The following RARRES1 variants were observed in gnomAD, a reference collection of about 807,000 sequenced individuals.
RARRES1 encodes retinoic acid receptor responder 1.
Under a neutral mutation model 30.6 loss-of-function variants are expected in RARRES1, and 34 were observed. The ratio of observed to expected loss-of-function variants is 1.11; its 90% CI spans 0.84 to 1.48. The LOEUF is 1.48. Ranked by LOEUF, RARRES1 falls within the 40% of genes most tolerant of loss-of-function variation. The probability of loss-of-function intolerance (pLI) is 0.00; values close to 1 mark genes in which losing one functional copy is unlikely to be tolerated. For missense variants in RARRES1, 373 were observed against 386.5 expected, an observed-to-expected ratio of 0.97 and a Z score of 0.29; for synonymous variants, 153 against 155.5, an observed-to-expected ratio of 0.98 and a Z score of 0.12.
At chr3:158,711,056 G>T in intron 2 of RARRES1, 123 bp from the exon 3 acceptor site, 1 of 880,456 alleles carries the variant, frequency 1.1e-6, no homozygotes, top group Non-Finnish European at 1.8e-6. Flanking sequence ...GATGTAGTGG[G>T]TTTTGGTTTA....
chr3:158,702,640 C>T (rs1244671596), intron 4 of RARRES1, among the ~76,000 whole-genome samples: 1 of 152,150 alleles, frequency 6.6e-6, no homozygotes, highest in Non-Finnish European at 1.5e-5. Flanking sequence ...ATCTTGACAC[C>T]ATTTTCTACG....
At chr3:158,727,609 C>T (rs1051535073) in intron 1 of RARRES1, among the ~76,000 whole-genome samples, 13 of 152,258 alleles carry the variant, frequency 8.5e-5, no homozygotes, top group East Asian at 1.9e-4. Flanking sequence ...TAGTCAGGAG[C>T]GGGGCAAACA....
At chr3:158,724,037 G>C (rs539308515) in intron 1 of RARRES1, among the ~76,000 whole-genome samples, 1 of 152,198 alleles carries the variant, frequency 6.6e-6, no homozygotes, top group Non-Finnish European at 1.5e-5. Context: ...TGGGCAGAGT[G>C]GAAAGAAAAT....
At chr3:158,700,223 G>GTGTA (rs1249427192) in intron 4 of RARRES1, among the ~76,000 whole-genome samples, 5 of 147,348 alleles carry the variant, frequency 3.4e-5, no homozygotes, top group African/African-American at 1.3e-4. Flanking sequence ...GTGTGTGTGT[G>GTGTA]TATATATATA....
At chr3:158,702,614 C>T (rs181968060) in intron 4 of RARRES1, among the ~76,000 whole-genome samples, 21 of 152,278 alleles carry the variant, frequency 1.4e-4, no homozygotes, top group African/African-American at 4.8e-4. Flanking sequence ...ACATTTACTA[C>T]AATTAGTTCT....
intron 1 of RARRES1, among the ~76,000 whole-genome samples, chr3:158,725,195 G>A (rs549864138): frequency 1.3e-5 from 2 of 152,284 alleles, no homozygotes; most frequent in East Asian, 1.9e-4. Context: ...CAGCCAGAGT[G>A]GATTTGTTAT....
At chr3:158,724,709 CACAATACCAAT>C (rs1727626391) in intron 1 of RARRES1, among the ~76,000 whole-genome samples, 1 of 152,188 alleles carries the variant, frequency 6.6e-6, no homozygotes, top group African/African-American at 2.4e-5. Flanking sequence ...AGCAATAGGA[CACAATACCAAT>C]ACAGAATTAC....
intron 4 of RARRES1, among the ~76,000 whole-genome samples, chr3:158,703,898 T>G (rs572181679): frequency 6.6e-6 from 1 of 152,300 alleles, no homozygotes; most frequent in African/African-American, 2.4e-5. Flanking sequence ...CCCCTGAACT[T>G]CAGACTCTTC....
At chr3:158,698,121 A>G in intron 4 of RARRES1, 151 bp from the exon 5 acceptor site, 1 of 597,282 alleles carries the variant, frequency 1.7e-6, no homozygotes, top group Non-Finnish European at 3.0e-6. Context: ...TTGCTTCAAG[A>G]TATGGAAGTC....
intron 1 of RARRES1, among the ~76,000 whole-genome samples, chr3:158,722,583 A>G (rs139437604): frequency 2.0e-4 from 31 of 152,272 alleles, no homozygotes; most frequent in African/African-American, 7.0e-4. Flanking sequence ...GAGCACATTT[A>G]AAACATCAAA....
chr3:158,728,212 A>T (rs914784119), intron 1 of RARRES1, among the ~76,000 whole-genome samples: 7 of 149,278 alleles, frequency 4.7e-5, no homozygotes, highest in Admixed American at 1.3e-4. Context: ...ATTTCGTTTA[A>T]AAAAAAAAAA....
intron 1 of RARRES1, among the ~76,000 whole-genome samples, chr3:158,728,531 T>G (rs56280377): frequency 8.9e-5 from 12 of 134,156 alleles, no homozygotes; most frequent in Non-Finnish European, 1.0e-4. Flanking sequence ...TTTTTTTTTT[T>G]TTTGGTTTTT....
At chr3:158,710,200 TG>T (rs1727066674) in intron 3 of RARRES1, among the ~76,000 whole-genome samples, 1 of 145,178 alleles carries the variant, frequency 6.9e-6, no homozygotes, top group South Asian at 2.2e-4. Context: ...GGATGGAAAA[TG>T]AGGAGTTTTT....
At chr3:158,702,048 G>GT (rs955466788) in intron 4 of RARRES1, among the ~76,000 whole-genome samples, 1 of 151,760 alleles carries the variant, frequency 6.6e-6, no homozygotes, top group African/African-American at 2.4e-5. Flanking sequence ...GTTTTGTTTT[G>GT]TTTTTTTGAG....
Position 158,697,846 on chromosome 3 carries a change from A to G in RARRES1, c.736-19T>C. The G allele has an allele frequency of 6.2e-7, 1 of 1,601,778 alleles. No individual in the cohort carries two copies. The highest frequency in any genetic ancestry group is 8.5e-7 in the Non-Finnish European group (1 of 1,171,008). On this transcript the variant is annotated intron_variant, in intron 5 of 5. Coordinates refer to ENST00000237696, the MANE Select transcript of RARRES1 (RefSeq NM_206963.2). The stretch of plus-strand genomic sequence containing the variant: ...TTATTTCCTAGGAAATAGAGTTATA[A>G]AATATTATAATCTGCAAAAACTTAT...
At position 158,732,252 on chromosome 3, in the gene RARRES1, G is replaced by A; in HGVS notation, c.164C>T (p.Pro55Leu). The A allele has an allele frequency of 7.2e-7, 1 of 1,379,828 alleles. No individual in the cohort carries two copies. The highest frequency in any genetic ancestry group is 9.3e-7 in the Non-Finnish European group (1 of 1,076,244). 85.5% of individuals were successfully genotyped at this position (1,379,828 alleles called of 1,614,324 possible). A position where few individuals can be genotyped will look rare whatever the true frequency, so the allele number is the denominator to read the frequency against. Residue 55 changes from proline to leucine, a missense_variant, in exon 1 of 6, where the codon CCG (proline) becomes CTG (leucine). By Grantham distance (98) the Pro-to-Leu change is moderately conservative. Transcript: ENST00000237696. Reference sequence around the variant, plus strand: ...CGCCGCCTGCTGCAGGAGCCTGCGCGGGACCCCAGCATCCTGAGGCTGCCC... The same window carrying A: ...CGCCGCCTGCTGCAGGAGCCTGCGCAGGACCCCAGCATCCTGAGGCTGCCC... ...DPGQPQDAGV[P>L]RRLLQQAARA...
chr3:158,706,186 G>A (rs1726918082), intron 3 of RARRES1, among the ~76,000 whole-genome samples: 1 of 152,220 alleles, frequency 6.6e-6, no homozygotes, highest in Admixed American at 6.5e-5. Context: ...CTTGGGATCT[G>A]TGAAGGATAC....
intron 1 of RARRES1, among the ~76,000 whole-genome samples, chr3:158,726,420 C>T (rs1056585747): frequency 1.8e-4 from 28 of 152,220 alleles, no homozygotes; most frequent in African/African-American, 6.0e-4. Flanking sequence ...GTCAGACCCA[C>T]GGTGGACTGA....
At chr3:158,698,722 GAAGA>G (rs1471409451) in intron 4 of RARRES1, among the ~76,000 whole-genome samples, 4 of 151,332 alleles carry the variant, frequency 2.6e-5, no homozygotes, top group African/African-American at 9.7e-5. Context: ...AGTAAAAATG[GAAGA>G]AAGAACATTT....
Sources: gnomAD v4.1 joint callset for allele counts (sites outside exome capture counted in the v4.1 genomes callset) on GRCh38, gnomAD v4.1.1 for gene constraint, MANE v1.5 for transcripts, NCBI Gene and HGNC (gene_info 2026-07-23, HGNC 2026-07-21) for gene names.